TBC1D5: variants seen among roughly 807,000 people sequenced by gnomAD.
TBC1D5 encodes TBC1 domain family member 5.
TBC1D5 carries 75 observed loss-of-function variants against 100.3 expected under a neutral mutation model. The observed-to-expected ratio is 0.75, with a 90% CI of 0.62 to 0.91. TBC1D5 has a LOEUF of 0.91. Among genes scored for constraint, TBC1D5 ranks in the 40% least tolerant of loss-of-function variants. The pLI, the probability that TBC1D5 is intolerant of heterozygous loss-of-function variation, is 0.00. For synonymous variants in TBC1D5, 323 were observed against 325.6 expected, an observed-to-expected ratio of 0.99 and a Z score of 0.09; for missense variants, 910 against 942.4, an observed-to-expected ratio of 0.97 and a Z score of 0.45.
chr3:17,406,581 G>A, intron 4 of TBC1D5, 55 bp from the exon 5 acceptor site: 1 of 1,505,152 alleles, frequency 6.6e-7, no homozygotes, highest in African/African-American at 1.4e-5. Flanking sequence ...CCTCTGCTTG[G>A]AGAGAAGTTC....
At chr3:17,356,785 C>T in intron 13 of TBC1D5, among the ~76,000 whole-genome samples, 1 of 152,240 alleles carries the variant, frequency 6.6e-6, no homozygotes, top group South Asian at 2.1e-4. Context: ...TATGGAAACA[C>T]ACCCTGGGGT....
At chr3:17,370,741 C>T (rs975298576) in intron 13 of TBC1D5, among the ~76,000 whole-genome samples, 1 of 152,130 alleles carries the variant, frequency 6.6e-6, no homozygotes, top group African/African-American at 2.4e-5. Flanking sequence ...AAACAAAACA[C>T]TATTCTCTTT....
At chr3:17,725,384 G>A (rs1577822018) in intron 1 of TBC1D5, among the ~76,000 whole-genome samples, 1 of 151,850 alleles carries the variant, frequency 6.6e-6, no homozygotes, top group Admixed American at 6.6e-5. Flanking sequence ...TAGGAGCGAA[G>A]AAGTATTTTT....
At chr3:17,355,997 A>C (rs765457402) in intron 13 of TBC1D5, among the ~76,000 whole-genome samples, 21 of 152,186 alleles carry the variant, frequency 1.4e-4, no homozygotes, top group Non-Finnish European at 2.8e-4. Context: ...AACTTGTTAC[A>C]ATGACCATGC....
chr3:17,613,570 T>C (rs1001603057), intron 2 of TBC1D5, among the ~76,000 whole-genome samples: 5 of 152,228 alleles, frequency 3.3e-5, no homozygotes, highest in South Asian at 2.1e-4. Flanking sequence ...TTTTTAATGA[T>C]CGCCATTCTA....
intron 1 of TBC1D5, among the ~76,000 whole-genome samples, chr3:17,731,870 G>A (rs1339572862): frequency 6.6e-6 from 1 of 152,158 alleles, no homozygotes; most frequent in Non-Finnish European, 1.5e-5. Context: ...ACACACACTT[G>A]TAAAGATTTT....
chr3:17,632,156 AAAGATTATTTGAACCC>A (rs1364158601), intron 1 of TBC1D5, among the ~76,000 whole-genome samples: 2 of 152,234 alleles, frequency 1.3e-5, no homozygotes, highest in African/African-American at 4.8e-5. Flanking sequence ...GAGTTTGGAA[AAAGATTATTTGAACCC>A]TCACGGATGA....
chr3:17,716,329 TTCAG>T (rs2075234567), intron 1 of TBC1D5, among the ~76,000 whole-genome samples: 3 of 152,136 alleles, frequency 2.0e-5, no homozygotes, highest in African/African-American at 4.8e-5. Flanking sequence ...TTTGTCTGAA[TTCAG>T]TCAATCACTT....
intron 3 of TBC1D5, among the ~76,000 whole-genome samples, chr3:17,444,185 G>A (rs898269530): frequency 2.0e-5 from 3 of 151,562 alleles, no homozygotes; most frequent in African/African-American, 7.3e-5. Context: ...TAAAAGCAAT[G>A]CAAACTACAT....
At chr3:17,721,745 C>T (rs2075726239) in intron 1 of TBC1D5, among the ~76,000 whole-genome samples, 1 of 151,454 alleles carries the variant, frequency 6.6e-6, no homozygotes, top group African/African-American at 2.4e-5. Context: ...CTTTGGGAAG[C>T]CGAGGCGGGC....
In TBC1D5 at chr3:17,712,671, A is replaced by T. The variant is rs575815143; in HGVS notation, c.-101+26672T>A. 2.0e-5 allele frequency among the ~76,000 whole-genome samples: 3 copies of T among 152,300 alleles called. No individual in the cohort carries two copies. In the South Asian group the frequency reaches 6.2e-4, roughly 32 times the overall value. The stretch of plus-strand genomic sequence containing the variant: ...AGCTGCAAAGGCCCACCATTGGAGC[A>T]GAAGTATCACTTCTCAGACAAGAAG... On this transcript the variant is annotated intron_variant, in intron 1 of 21. Coordinates refer to ENST00000253692, the Ensembl canonical transcript of TBC1D5.
At chr3:17,291,954 G>C (rs747732581) in exon 15 of TBC1D5, 2 of 1,613,876 alleles carry the variant, frequency 1.2e-6, no homozygotes, top group African/African-American at 1.3e-5. Flanking sequence ...CCGATGAATG[G>C]GTAATGCATC....
chr3:17,580,008 G>C (rs553151938), intron 2 of TBC1D5, among the ~76,000 whole-genome samples: 1 of 152,156 alleles, frequency 6.6e-6, no homozygotes, highest in African/African-American at 2.4e-5. Flanking sequence ...AAGAACAATA[G>C]ACACTTGGCA....
chr3:17,629,844 T>C (rs988492600), intron 1 of TBC1D5, among the ~76,000 whole-genome samples: 2 of 152,216 alleles, frequency 1.3e-5, no homozygotes, highest in Admixed American at 1.3e-4. Context: ...ATTTGAACTT[T>C]AGCATGCTAC....
chr3:17,613,226 T>C (rs1046206152), intron 2 of TBC1D5, among the ~76,000 whole-genome samples: 1 of 152,220 alleles, frequency 6.6e-6, no homozygotes, highest in Non-Finnish European at 1.5e-5. Context: ...CATCATTGTT[T>C]ATGGCTGCAT....
chr3:17,342,885 T>A (rs1214850208), intron 13 of TBC1D5, among the ~76,000 whole-genome samples: 1 of 152,218 alleles, frequency 6.6e-6, no homozygotes, highest in Non-Finnish European at 1.5e-5. Context: ...TATATGTATA[T>A]ACTATTACCT....
intron 1 of TBC1D5, among the ~76,000 whole-genome samples, chr3:17,734,619 A>G (rs753484400): frequency 2.6e-5 from 4 of 152,244 alleles, no homozygotes; most frequent in Admixed American, 6.5e-5. Context: ...AAATGTTAAA[A>G]CCTGTAAGAA....
At chr3:17,715,728 C>G (rs749221682) in intron 1 of TBC1D5, among the ~76,000 whole-genome samples, 7 of 151,634 alleles carry the variant, frequency 4.6e-5, no homozygotes, top group Non-Finnish European at 1.0e-4. Context: ...CTTGAGCCCA[C>G]GAGTTTGAAA....
intron 3 of TBC1D5, among the ~76,000 whole-genome samples, chr3:17,499,210 T>C (rs1176817539): frequency 6.6e-6 from 1 of 152,172 alleles, no homozygotes; most frequent in African/African-American, 2.4e-5. Context: ...GCTAATGCTA[T>C]GAAAGGAGTT....
Sources: allele counts gnomAD v4.1 joint callset (sites outside exome capture counted in the v4.1 genomes callset), GRCh38; gene constraint gnomAD v4.1.1; transcripts MANE v1.5; gene names NCBI Gene and HGNC (gene_info 2026-07-23, HGNC 2026-07-21).